RGS7BP: variants seen among roughly 807,000 people sequenced by gnomAD.
RGS7BP encodes the protein regulator of G protein signaling 7 binding protein.
In RGS7BP, 9 loss-of-function variants were observed where a neutral mutation model predicts 31.3. That is an observed-to-expected ratio of 0.29 (90% CI 0.17 to 0.50). The LOEUF is 0.50. RGS7BP is among the 20% of genes least tolerant of loss of function. The pLI is 0.98. For synonymous variants in RGS7BP, 115 were observed against 120.1 expected (o/e 0.96, Z 0.28); for missense variants, 274 against 322.0 (o/e 0.85, Z 1.14).
At chr5:64,511,328 G>T (rs272628) in intron 2 of RGS7BP, among the ~76,000 whole-genome samples, 1 of 152,072 alleles carries the variant, frequency 6.6e-6, no homozygotes, top group Non-Finnish European at 1.5e-5. Flanking sequence ...TCTGCATTCT[G>T]GACAGACCCA....
intron 3 of RGS7BP, among the ~76,000 whole-genome samples, chr5:64,582,795 T>C (rs537981331): frequency 3.9e-5 from 6 of 152,124 alleles, no homozygotes; most frequent in Non-Finnish European, 8.8e-5. Flanking sequence ...GAATAAAATA[T>C]GAGCAGTAAA....
At chr5:64,517,817 G>A (rs1321898091) in intron 2 of RGS7BP, among the ~76,000 whole-genome samples, 5 of 152,216 alleles carry the variant, frequency 3.3e-5, no homozygotes, top group African/African-American at 9.6e-5. Context: ...CACAAGACAG[G>A]ATGTGAAATG....
intron 2 of RGS7BP, among the ~76,000 whole-genome samples, chr5:64,527,433 G>C (rs1184086637): frequency 6.6e-6 from 1 of 152,118 alleles, no homozygotes; most frequent in East Asian, 1.9e-4. Flanking sequence ...CTGGTATGGA[G>C]GAAAGAGGCG....
At chr5:64,595,942 G>A (rs560049265) in intron 4 of RGS7BP, among the ~76,000 whole-genome samples, 1 of 152,146 alleles carries the variant, frequency 6.6e-6, no homozygotes, top group Non-Finnish European at 1.5e-5. Context: ...GCTTGGAAAT[G>A]CAACAATTCA....
intron 2 of RGS7BP, among the ~76,000 whole-genome samples, chr5:64,548,280 T>C (rs1313812294): frequency 6.6e-6 from 1 of 152,166 alleles, no homozygotes; most frequent in Non-Finnish European, 1.5e-5. Flanking sequence ...GATTTAAGTA[T>C]AAATTCTGAA....
chr5:64,520,497 G>A (rs1749078903), intron 2 of RGS7BP, among the ~76,000 whole-genome samples: 1 of 152,116 alleles, frequency 6.6e-6, no homozygotes. Context: ...CATTCTTGAG[G>A]CCCCAGCACT....
intron 2 of RGS7BP, among the ~76,000 whole-genome samples, chr5:64,510,086 A>G (rs1156350753): frequency 6.6e-6 from 1 of 152,170 alleles, no homozygotes; most frequent in African/African-American, 2.4e-5. Context: ...AGTCACTTTA[A>G]AGTTTGAAGC....
chr5:64,537,253 G>T (rs2078409009), intron 2 of RGS7BP, among the ~76,000 whole-genome samples: 1 of 152,210 alleles, frequency 6.6e-6, no homozygotes, highest in South Asian at 2.1e-4. Context: ...ACTAATGATA[G>T]CTGATGAGCT....
intron 2 of RGS7BP, among the ~76,000 whole-genome samples, chr5:64,557,136 T>G (rs545591280): frequency 1.3e-5 from 2 of 152,114 alleles, no homozygotes; most frequent in African/African-American, 4.8e-5. Context: ...AAAACTGTAA[T>G]GTAAAAACTA....
At chr5:64,599,968 A>C (rs1196328236) in intron 5 of RGS7BP, among the ~76,000 whole-genome samples, 2 of 152,212 alleles carry the variant, frequency 1.3e-5, no homozygotes, top group African/African-American at 2.4e-5. Flanking sequence ...TGTTACTATT[A>C]TTGTTGTCAC....
At chr5:64,512,929 G>A (rs559746047) in intron 2 of RGS7BP, among the ~76,000 whole-genome samples, 1 of 152,142 alleles carries the variant, frequency 6.6e-6, no homozygotes, top group African/African-American at 2.4e-5. Context: ...AAAATCTTTT[G>A]GCCTAGTTCT....
intron 2 of RGS7BP, among the ~76,000 whole-genome samples, chr5:64,544,687 G>A (rs934746680): frequency 6.7e-6 from 1 of 148,822 alleles, no homozygotes; most frequent in Non-Finnish European, 1.5e-5. Flanking sequence ...AGAAGAAGAA[G>A]AAAAAAAGAC....
At chr5:64,511,494 A>G (rs1748834351) in intron 2 of RGS7BP, among the ~76,000 whole-genome samples, 1 of 152,178 alleles carries the variant, frequency 6.6e-6, no homozygotes, top group Non-Finnish European at 1.5e-5. Context: ...TCCTCCCTTC[A>G]ATCTAAATGT....
intron 3 of RGS7BP, among the ~76,000 whole-genome samples, chr5:64,583,090 T>A (rs1337871517): frequency 2.0e-5 from 3 of 152,184 alleles, no homozygotes; most frequent in African/African-American, 7.2e-5. Context: ...CTGCAGTGAT[T>A]AAGACTGAAG....
chr5:64,543,222 T>C (rs190997193), intron 2 of RGS7BP, among the ~76,000 whole-genome samples: 1 of 152,360 alleles, frequency 6.6e-6, no homozygotes, highest in Non-Finnish European at 1.5e-5. Flanking sequence ...TGAGCCAGAC[T>C]GTTGAATGTT....
chr5:64,524,997 C>T (rs1432627945), intron 2 of RGS7BP, among the ~76,000 whole-genome samples: 4 of 152,046 alleles, frequency 2.6e-5, no homozygotes, highest in African/African-American at 9.7e-5. Context: ...TGAGAAAGTG[C>T]CACTCATAAA....
At chr5:64,523,766 T>C (rs990418561) in intron 2 of RGS7BP, among the ~76,000 whole-genome samples, 23 of 152,362 alleles carry the variant, frequency 1.5e-4, no homozygotes, top group African/African-American at 4.6e-4. Context: ...AGGAACATGT[T>C]ACACCTTTCT....
chr5:64,584,246 T>G (rs1393988279), intron 3 of RGS7BP, among the ~76,000 whole-genome samples: 1 of 152,224 alleles, frequency 6.6e-6, no homozygotes, highest in East Asian at 1.9e-4. Flanking sequence ...CATTGTATAT[T>G]TAGTTTCTTA....
At chr5:64,592,531 C>T (rs1299708900) in intron 3 of RGS7BP, among the ~76,000 whole-genome samples, 1 of 152,088 alleles carries the variant, frequency 6.6e-6, no homozygotes, top group Non-Finnish European at 1.5e-5. Context: ...CCATTTATGG[C>T]TTTGCATGTA....
Sources: gnomAD v4.1 joint callset for allele counts (sites outside exome capture counted in the v4.1 genomes callset) on GRCh38, gnomAD v4.1.1 for gene constraint, MANE v1.5 for transcripts, NCBI Gene and HGNC (gene_info 2026-07-23, HGNC 2026-07-21) for gene names.